The following HDAC9 variants were observed in gnomAD, a reference collection of about 807,000 sequenced individuals.
HDAC9 encodes the protein MEF-2 interacting transcription repressor (MITR) protein.
HDAC9 carries 41 observed loss-of-function variants against 139.4 expected under a neutral mutation model. The ratio of observed to expected loss-of-function variants is 0.29; its 90% CI spans 0.23 to 0.38. The LOEUF (loss-of-function observed/expected upper bound fraction) is 0.38, where lower values mean the gene tolerates loss of function less well. HDAC9 is among the 10% of genes least tolerant of loss of function. The pLI, the probability that HDAC9 is intolerant of heterozygous loss-of-function variation, is 1.00. For missense variants in HDAC9, 1,147 were observed against 1,297.0 expected, an observed-to-expected ratio of 0.88 and a Z score of 1.78; for synonymous variants, 517 against 476.2, an observed-to-expected ratio of 1.09 and a Z score of -1.12.
At chr7:18,154,933 C>T (rs939860799) in intron 1 of HDAC9, among the ~76,000 whole-genome samples, 2 of 152,108 alleles carry the variant, frequency 1.3e-5, no homozygotes, top group Non-Finnish European at 2.9e-5. Context: ...AAGGTTATAG[C>T]GTGTGAGTTA....
At chr7:18,734,369 C>T (rs540875024) in intron 13 of HDAC9, among the ~76,000 whole-genome samples, 88 of 152,180 alleles carry the variant, frequency 5.8e-4, no homozygotes, top group Non-Finnish European at 1.1e-3. Flanking sequence ...CCTAATGCTA[C>T]CCCTCCCCCA....
chr7:18,792,993 G>A (rs2129179081), intron 16 of HDAC9, among the ~76,000 whole-genome samples: 1 of 152,240 alleles, frequency 6.6e-6, no homozygotes, highest in East Asian at 1.9e-4. Flanking sequence ...ACTGGGGCCT[G>A]GTTTCTAGCA....
At chr7:18,134,495 C>A (rs114187053) in intron 1 of HDAC9, among the ~76,000 whole-genome samples, 21 of 152,172 alleles carry the variant, frequency 1.4e-4, no homozygotes, top group Admixed American at 5.9e-4. Flanking sequence ...GAAATTCTCA[C>A]GCATGACTCT....
At chr7:18,554,651 A>T (rs1818246547) in intron 2 of HDAC9, among the ~76,000 whole-genome samples, 1 of 152,074 alleles carries the variant, frequency 6.6e-6, no homozygotes, top group Admixed American at 6.5e-5. Flanking sequence ...ACTCTTGAAG[A>T]TCATGCTGAT....
At chr7:18,722,917 G>A (rs1360413178) in intron 12 of HDAC9, among the ~76,000 whole-genome samples, 1 of 151,970 alleles carries the variant, frequency 6.6e-6, no homozygotes, top group Non-Finnish European at 1.5e-5. Flanking sequence ...TAACTGTTTA[G>A]TTTAAATAAC....
intron 17 of HDAC9, among the ~76,000 whole-genome samples, chr7:18,808,884 A>G (rs1440181458): frequency 6.6e-6 from 1 of 152,034 alleles, no homozygotes. Context: ...AAAACAAACA[A>G]CAACAACAAC....
At chr7:18,925,592 A>C (rs1804146167) in intron 22 of HDAC9, among the ~76,000 whole-genome samples, 1 of 152,116 alleles carries the variant, frequency 6.6e-6, no homozygotes, top group Non-Finnish European at 1.5e-5. Context: ...TACCCTGTGT[A>C]AAACTAAATC....
chr7:18,331,008 T>C (rs1435042669), intron 1 of HDAC9, among the ~76,000 whole-genome samples: 1 of 151,658 alleles, frequency 6.6e-6, no homozygotes, highest in Non-Finnish European at 1.5e-5. Context: ...ACAATTTGAG[T>C]TGACCAATTA....
In HDAC9 at chr7:18,938,672, C is replaced by G. The variant is rs191963676; in HGVS notation, c.2937+2730C>G. The stretch of plus-strand genomic sequence containing the variant: ...ACCACCCTTTTAAATTTATGAATGA[C>G]TTCCAAAAAGATAGAAAAAGGAGAG... On this transcript the variant is annotated intron_variant, in intron 23 of 25. Transcript: ENST00000686413. Among the ~76,000 whole-genome samples the G allele has an allele frequency of 4.2e-3, 647 of 152,322 alleles. 4 individuals carry two copies. The highest frequency in any genetic ancestry group is 0.015 in the African/African-American group (609 of 41,582).
intron 6 of HDAC9, among the ~76,000 whole-genome samples, chr7:18,597,682 T>G (rs541284445): frequency 1.5e-3 from 224 of 152,264 alleles, no homozygotes; most frequent in African/African-American, 4.6e-3. Flanking sequence ...TGTGATAAAA[T>G]TTCTAGAAGT....
At chr7:18,263,693 C>G (rs902045726) in intron 2 of HDAC9, among the ~76,000 whole-genome samples, 1 of 151,788 alleles carries the variant, frequency 6.6e-6, no homozygotes, top group African/African-American at 2.4e-5. Flanking sequence ...ACTGCAACCT[C>G]CACCTCCCAA....
At chr7:18,235,989 A>C (rs141306479) in intron 2 of HDAC9, among the ~76,000 whole-genome samples, 1 of 152,338 alleles carries the variant, frequency 6.6e-6, no homozygotes, top group East Asian at 1.9e-4. Context: ...ATTTCTTTGC[A>C]TTATACTGTA....
chr7:18,755,551 T>C (rs990698954), intron 14 of HDAC9, among the ~76,000 whole-genome samples: 1 of 152,162 alleles, frequency 6.6e-6, no homozygotes, highest in African/African-American at 2.4e-5. Context: ...ATTCAACCAT[T>C]AAAATATTTA....
chr7:18,984,509 G>C (rs1385510586), intron 25 of HDAC9, among the ~76,000 whole-genome samples: 1 of 152,244 alleles, frequency 6.6e-6, no homozygotes, highest in South Asian at 2.1e-4. Flanking sequence ...TGTCATGGAG[G>C]AGGGGCCAGC....
intron 21 of HDAC9, among the ~76,000 whole-genome samples, chr7:18,838,147 AC>A (rs1456092832): frequency 6.6e-6 from 1 of 152,110 alleles, no homozygotes; most frequent in African/African-American, 2.4e-5. Context: ...GCTAGGTCAA[AC>A]AGGTAAGTCA....
At chr7:18,398,550 TTTATAG>T (rs751461841) in intron 1 of HDAC9, among the ~76,000 whole-genome samples, 21 of 152,174 alleles carry the variant, frequency 1.4e-4, no homozygotes, top group Non-Finnish European at 2.4e-4. Context: ...TGTGATGGAC[TTTATAG>T]TTCCTTAGAT....
At chr7:18,900,570 A>G (rs753808990) in intron 22 of HDAC9, among the ~76,000 whole-genome samples, 5 of 152,186 alleles carry the variant, frequency 3.3e-5, no homozygotes, top group Non-Finnish European at 7.4e-5. Context: ...GAATACCATT[A>G]TGAGAGAGGT....
In HDAC9 at chr7:18,270,297, AC is replaced by A. The variant is rs66484375; in HGVS notation, c.25+107949del. Among the ~76,000 whole-genome samples the A allele has an allele frequency of 2.7e-3, 403 of 151,186 alleles. 1 individual carries two copies. Among genetic ancestry groups the A allele is most frequent in the African/African-American group, 9.3e-3 (382 of 41,150 alleles). On this transcript the variant is annotated intron_variant, in intron 2 of 12. Coordinates refer to the HDAC9 transcript ENST00000417496. ...CTCAATAAATGTTTGTAGAAATTAA[AC>A]AAAAAAAAAACTGTGACTTAGAAAA...
chr7:18,870,839 A>G (rs1307218357), intron 21 of HDAC9, among the ~76,000 whole-genome samples: 1 of 151,988 alleles, frequency 6.6e-6, no homozygotes, highest in Non-Finnish European at 1.5e-5. Context: ...ATGTGTGGCT[A>G]ATCTTTTTTG....
Sources: gnomAD v4.1 joint callset for allele counts (sites outside exome capture counted in the v4.1 genomes callset) on GRCh38, gnomAD v4.1.1 for gene constraint, MANE v1.5 for transcripts, NCBI Gene and HGNC (gene_info 2026-07-23, HGNC 2026-07-21) for gene names.